Variants in ORC4 observed in about 807,000 individuals in gnomAD.
ORC4 encodes the protein origin recognition complex, subunit 4 homolog.
A neutral mutation model predicts 63.9 loss-of-function variants in ORC4; 55 were observed. The observed-to-expected ratio is 0.86, with a 90% CI of 0.69 to 1.08. The LOEUF is 1.08. Ranked by LOEUF, ORC4 falls within the 50% of genes least tolerant of loss-of-function variation. The probability of loss-of-function intolerance (pLI) is 0.00; values close to 1 mark genes in which losing one functional copy is unlikely to be tolerated. For synonymous variants in ORC4, 150 were observed against 168.5 expected (o/e 0.89, Z 0.85); for missense variants, 511 against 504.4 (o/e 1.01, Z -0.13).
In ORC4 at chr2:147,976,366, T is replaced by A. The variant is rs1161552021; in HGVS notation, c.-17-391A>T. 2.0e-5 allele frequency among the ~76,000 whole-genome samples: 3 copies of A among 152,252 alleles called. No homozygotes were observed. The South Asian group carries it at 6.2e-4, about 31-fold the overall frequency. The stretch of plus-strand genomic sequence containing the variant: ...TATGTACATTTTTTAGACATGCTAC[T>A]ACTGCACACTTAGTAGACTAGTATA... On this transcript the variant is annotated intron_variant, in intron 1 of 13. Transcript: ENST00000392857.
At chr2:148,014,671 A>G (rs1693156514) in intron 1 of ORC4, among the ~76,000 whole-genome samples, 2 of 152,230 alleles carry the variant, frequency 1.3e-5, no homozygotes, top group South Asian at 2.1e-4. Context: ...AAATACATGT[A>G]TATTTTTAAA....
chr2:147,985,623 A>C (rs1462719173), intron 1 of ORC4, among the ~76,000 whole-genome samples: 3 of 152,212 alleles, frequency 2.0e-5, no homozygotes, highest in African/African-American at 7.2e-5. Flanking sequence ...AGAACATAAA[A>C]GCCCTCCATT....
At chr2:147,975,049 T>G (rs1690464140) in intron 2 of ORC4, among the ~76,000 whole-genome samples, 1 of 152,140 alleles carries the variant, frequency 6.6e-6, no homozygotes, top group Non-Finnish European at 1.5e-5. Flanking sequence ...AAAAATTTTT[T>G]TAGAAAGAGA....
chr2:147,992,287 G>A (rs1691664942), intron 1 of ORC4, among the ~76,000 whole-genome samples: 2 of 152,194 alleles, frequency 1.3e-5, no homozygotes, highest in Admixed American at 6.5e-5. Flanking sequence ...TTTAAGAGAT[G>A]GGGCTTCCCT....
At chr2:147,938,815 T>A (rs558714304) in intron 11 of ORC4, among the ~76,000 whole-genome samples, 1 of 152,110 alleles carries the variant, frequency 6.6e-6, no homozygotes, top group Non-Finnish European at 1.5e-5. Context: ...GAGGAAAAGG[T>A]TCATTACATT....
chr2:147,936,079 G>A (rs1688036515), intron 13 of ORC4, among the ~76,000 whole-genome samples: 1 of 151,992 alleles, frequency 6.6e-6, no homozygotes, highest in African/African-American at 2.4e-5. Context: ...AATTCCCTAG[G>A]CTACTCAGAT....
intron 8 of ORC4, 55 bp from the exon 9 acceptor site, chr2:147,948,279 A>G: frequency 8.3e-7 from 1 of 1,206,964 alleles, no homozygotes; most frequent in Non-Finnish European, 1.2e-6. Context: ...AAAAAAACAA[A>G]AACACTGTAC....
At chr2:147,993,594 C>T (rs1691758602) in intron 1 of ORC4, among the ~76,000 whole-genome samples, 2 of 152,086 alleles carry the variant, frequency 1.3e-5, no homozygotes, top group Non-Finnish European at 2.9e-5. Context: ...TTGTCCATCC[C>T]CCCATCAGCA....
chr2:147,957,625 A>G (rs773626906), intron 6 of ORC4, among the ~76,000 whole-genome samples: 11 of 152,180 alleles, frequency 7.2e-5, no homozygotes, highest in Non-Finnish European at 1.3e-4. Context: ...CCCTGAGACT[A>G]TAAGATGATA....
At chr2:148,018,038 G>C (rs1204063160) in intron 1 of ORC4, among the ~76,000 whole-genome samples, 1 of 152,100 alleles carries the variant, frequency 6.6e-6, no homozygotes, top group African/African-American at 2.4e-5. Flanking sequence ...GCACAGAGAA[G>C]ATATTGGCCA....
chr2:147,997,684 T>C (rs923426258), intron 1 of ORC4, among the ~76,000 whole-genome samples: 3 of 152,152 alleles, frequency 2.0e-5, no homozygotes, highest in Admixed American at 2.0e-4. Flanking sequence ...AAGACTAATA[T>C]TACACATATT....
intron 1 of ORC4, among the ~76,000 whole-genome samples, chr2:148,018,444 G>C (rs916817779): frequency 6.6e-6 from 1 of 152,168 alleles, no homozygotes; most frequent in African/African-American, 2.4e-5. Context: ...CCATGGTAAT[G>C]TACATTAAGA....
chr2:147,979,906 C>A (rs1351309182), intron 1 of ORC4, among the ~76,000 whole-genome samples: 3 of 151,982 alleles, frequency 2.0e-5, no homozygotes, highest in African/African-American at 7.3e-5. Context: ...TTATTGCACA[C>A]CATATACAAA....
intron 1 of ORC4, among the ~76,000 whole-genome samples, chr2:147,990,623 C>A (rs1691524450): frequency 6.6e-6 from 1 of 152,160 alleles, no homozygotes; most frequent in Admixed American, 6.5e-5. Flanking sequence ...AAGAATAATT[C>A]CACACAAATC....
intron 1 of ORC4, among the ~76,000 whole-genome samples, chr2:148,020,249 T>G (rs772080032): frequency 1.6e-4 from 24 of 152,202 alleles, no homozygotes; most frequent in Non-Finnish European, 2.9e-4. Flanking sequence ...TCAAAATGCA[T>G]ACAGAGGACT....
chr2:148,000,004 A>G (rs1301509609), intron 1 of ORC4, among the ~76,000 whole-genome samples: 1 of 151,832 alleles, frequency 6.6e-6, no homozygotes, highest in Non-Finnish European at 1.5e-5. Flanking sequence ...AAAGTATGAT[A>G]GCAGAAATCA....
At position 147,948,117 on chromosome 2, in the gene ORC4, T is replaced by A. The variant is rs1489648107; in HGVS notation, c.696A>T (p.Glu232Asp). Residue 232 changes from glutamate (E) to aspartate (D), a missense_variant, in exon 9 of 14, where the codon GAA (glutamate) becomes GAT (aspartate). Coordinates refer to ENST00000392857, the MANE Select transcript of ORC4 (RefSeq NM_181741.4). ...GAAACTCTGCAGGTAGAGATAACTG[T>A]TCTTTAAATATTTTAACATACTGTG... is the stretch of plus-strand genomic sequence containing the variant. The part of the protein sequence containing the change: ...GFPQYVKIFK[E>D]QLSLPAEFPD... The A allele has an allele frequency of 6.2e-7, 1 of 1,611,564 alleles. No homozygotes were observed. Among genetic ancestry groups the A allele is most frequent in the Non-Finnish European group, 8.5e-7 (1 of 1,177,994 alleles).
At chr2:147,987,672 G>T (rs1691301130) in intron 1 of ORC4, among the ~76,000 whole-genome samples, 2 of 152,018 alleles carry the variant, frequency 1.3e-5, no homozygotes. Context: ...TCCAAGCACA[G>T]GTCAAAGAGG....
At chr2:147,959,259 C>T (rs1480151741) in intron 4 of ORC4, among the ~76,000 whole-genome samples, 1 of 151,960 alleles carries the variant, frequency 6.6e-6, no homozygotes, top group East Asian at 1.9e-4. Flanking sequence ...CAGTTAAAAG[C>T]CCATTGAATT....
Sources: allele counts gnomAD v4.1 joint callset (sites outside exome capture counted in the v4.1 genomes callset), GRCh38; gene constraint gnomAD v4.1.1; transcripts MANE v1.5; gene names NCBI Gene and HGNC (gene_info 2026-07-23, HGNC 2026-07-21).